The following MKLN1 variants were observed in gnomAD, a reference collection of about 807,000 sequenced individuals.
MKLN1 encodes the protein muskelin 1, also known as muskelin.
A neutral mutation model predicts 99.0 loss-of-function variants in MKLN1; 18 were observed. That is an observed-to-expected ratio of 0.18 (90% confidence interval 0.13 to 0.27). MKLN1 has a LOEUF of 0.27. MKLN1 is among the 10% of genes least tolerant of loss of function. The pLI, the probability that MKLN1 is intolerant of heterozygous loss-of-function variation, is 1.00. For missense variants in MKLN1, 621 were observed against 875.9 expected, an observed-to-expected ratio of 0.71 and a Z score of 3.67; for synonymous variants, 288 against 293.2, an observed-to-expected ratio of 0.98 and a Z score of 0.18.
intron 3 of MKLN1, chr7:131,310,412 C>T (rs2116636879): frequency 6.6e-6 from 1 of 152,288 alleles, no homozygotes; most frequent in Non-Finnish European, 1.5e-5. Flanking sequence ...CCCTCATTGC[C>T]AGAAAGGCTC....
chr7:131,460,813 G>T (rs1217731419), intron 12 of MKLN1, among the ~76,000 whole-genome samples: 1 of 152,088 alleles, frequency 6.6e-6, no homozygotes, highest in Non-Finnish European at 1.5e-5. Flanking sequence ...TTAATTCAAA[G>T]GCTCACTATT....
chr7:131,153,040 T>A (rs1414550494), intron 2 of MKLN1, among the ~76,000 whole-genome samples: 38 of 149,386 alleles, frequency 2.5e-4, no homozygotes, highest in South Asian at 1.3e-3. Context: ...TATATTTTTT[T>A]TTTTTTTGGC....
chr7:131,138,136 G>C (rs55938612), intron 1 of MKLN1, among the ~76,000 whole-genome samples: 1 of 151,204 alleles, frequency 6.6e-6, no homozygotes, highest in Non-Finnish European at 1.5e-5. Context: ...TATTGGTCAG[G>C]CTGGTCTCAA....
intron 3 of MKLN1, among the ~76,000 whole-genome samples, chr7:131,296,965 A>G (rs1329798264): frequency 6.6e-6 from 1 of 152,014 alleles, no homozygotes; most frequent in Non-Finnish European, 1.5e-5. Context: ...TCTGGAACTC[A>G]TGGACTCAAG....
intron 3 of MKLN1, among the ~76,000 whole-genome samples, chr7:131,316,509 CA>C (rs1336956864): frequency 6.6e-6 from 1 of 152,138 alleles, no homozygotes; most frequent in African/African-American, 2.4e-5. Context: ...AAAGCCAGCA[CA>C]AAAACACTGA....
chr7:131,277,117 T>G (rs1300017997), intron 3 of MKLN1, among the ~76,000 whole-genome samples: 1 of 152,122 alleles, frequency 6.6e-6, no homozygotes, highest in African/African-American at 2.4e-5. Context: ...CTCACTAAAT[T>G]CTTGTGTAAT....
chr7:131,276,578 C>T (rs1797979139), intron 3 of MKLN1, among the ~76,000 whole-genome samples: 1 of 152,096 alleles, frequency 6.6e-6, no homozygotes, highest in Admixed American at 6.6e-5. Flanking sequence ...TTTTTCTTTT[C>T]CCTCTTCACG....
intron 1 of MKLN1, among the ~76,000 whole-genome samples, chr7:131,333,713 T>G (rs1315872880): frequency 6.6e-6 from 1 of 152,162 alleles, no homozygotes; most frequent in Non-Finnish European, 1.5e-5. Flanking sequence ...ATTTTTTGTA[T>G]TTTTAGTAGA....
At chr7:131,424,630 G>A (rs1488444809) in intron 8 of MKLN1, among the ~76,000 whole-genome samples, 1 of 151,904 alleles carries the variant, frequency 6.6e-6, no homozygotes, top group Non-Finnish European at 1.5e-5. Context: ...GTAGCTCCAG[G>A]GTTTGTTTTA....
chr7:131,471,703 G>A (rs774591193), intron 16 of MKLN1: 2 of 152,134 alleles, frequency 1.3e-5, no homozygotes, highest in African/African-American at 2.4e-5. Flanking sequence ...CACAGAATTC[G>A]TGCTGATTAT....
At chr7:131,445,485 CT>C (rs1203218513) in intron 11 of MKLN1, among the ~76,000 whole-genome samples, 1 of 152,170 alleles carries the variant, frequency 6.6e-6, no homozygotes, top group Non-Finnish European at 1.5e-5. Context: ...CTCTCCCTCT[CT>C]TTTTGTCTGA....
At chr7:131,453,813 C>T (rs1796254686) in intron 12 of MKLN1, among the ~76,000 whole-genome samples, 1 of 151,920 alleles carries the variant, frequency 6.6e-6, no homozygotes, top group East Asian at 1.9e-4. Flanking sequence ...AGCTTATTTC[C>T]TACAATGAAC....
chr7:131,436,015 G>A (rs1278468996), intron 9 of MKLN1, among the ~76,000 whole-genome samples: 1 of 151,816 alleles, frequency 6.6e-6, no homozygotes, highest in African/African-American at 2.4e-5. Context: ...TATGCATTAT[G>A]GCATAGATTT....
At chr7:131,114,361 A>G (rs1387581524) in intron 1 of MKLN1, among the ~76,000 whole-genome samples, 2 of 152,186 alleles carry the variant, frequency 1.3e-5, no homozygotes, top group Admixed American at 6.5e-5. Flanking sequence ...GAAGCTGTCT[A>G]CTACATAATT....
chr7:131,118,762 A>C (rs973401793), intron 1 of MKLN1, among the ~76,000 whole-genome samples: 2 of 152,194 alleles, frequency 1.3e-5, no homozygotes, highest in African/African-American at 4.8e-5. Flanking sequence ...TGAAGGGGGA[A>C]GTGCTACACA....
intron 2 of MKLN1, among the ~76,000 whole-genome samples, chr7:131,386,501 A>C (rs1157000822): frequency 6.6e-6 from 1 of 152,180 alleles, no homozygotes; most frequent in Non-Finnish European, 1.5e-5. Flanking sequence ...AGCTTTTCCA[A>C]CATGTGTTCA....
At chr7:131,291,618 A>G (rs1386303418) in intron 3 of MKLN1, among the ~76,000 whole-genome samples, 2 of 148,908 alleles carry the variant, frequency 1.3e-5, no homozygotes, top group African/African-American at 2.4e-5. Context: ...GCTTTCTTTT[A>G]TTTAACATAT....
chr7:131,192,066 AT>A (rs1796551780), intron 2 of MKLN1, among the ~76,000 whole-genome samples: 1 of 107,326 alleles, frequency 9.3e-6, no homozygotes, highest in South Asian at 2.5e-4. Flanking sequence ...GTATATATAT[AT>A]TATATATATA....
rs139533844 is a variant in MKLN1 at position 131,262,185 on chromosome 7, C to G, written c.-179+59211C>G. ...GCACAGTGGCTCACGCCTGTAATCC[C>G]AGCACTTTGGGAGGCTGAGGTGGGC... is the stretch of plus-strand genomic sequence containing the variant. On this transcript the variant is annotated intron_variant, in intron 3 of 7. Transcript: ENST00000416992. Among the ~76,000 whole-genome samples, 367 of 152,240 alleles carry G rather than the reference C, an allele frequency of 2.4e-3. 2 individuals are homozygous for G. The highest frequency in any genetic ancestry group is 0.01 in the East Asian group (54 of 5,168).
Sources: gnomAD v4.1 joint callset for allele counts (sites outside exome capture counted in the v4.1 genomes callset) on GRCh38, gnomAD v4.1.1 for gene constraint, MANE v1.5 for transcripts, NCBI Gene and HGNC (gene_info 2026-07-23, HGNC 2026-07-21) for gene names.